HSD17B4: variants seen among roughly 807,000 people sequenced by gnomAD.
The protein encoded by HSD17B4 is hydroxysteroid 17-beta dehydrogenase 4, also known as peroxisomal multifunctional enzyme type 2.
HSD17B4 carries 70 observed loss-of-function variants against 101.0 expected under a neutral mutation model. The observed-to-expected ratio is 0.69, with a 90% CI of 0.57 to 0.85. HSD17B4 has a LOEUF of 0.85. Among genes scored for constraint, HSD17B4 ranks in the 40% least tolerant of loss-of-function variants. HSD17B4 has a pLI of 0.00. For missense variants in HSD17B4, 984 were observed against 892.4 expected (o/e 1.10, Z -1.31); for synonymous variants, 347 against 297.1 (o/e 1.17, Z -1.73).
At chr5:119,515,191 T>C in intron 17 of HSD17B4, 145 bp downstream of exon 17, 1 of 593,846 alleles carries the variant, frequency 1.7e-6, no homozygotes, top group Non-Finnish European at 3.1e-6. Context: ...CAGACATGTT[T>C]CCTGTGATTG....
intron 22 of HSD17B4, among the ~76,000 whole-genome samples, chr5:119,533,930 A>C (rs1580717894): frequency 6.6e-6 from 1 of 152,242 alleles, no homozygotes; most frequent in East Asian, 1.9e-4. Flanking sequence ...ACAGGTTTTA[A>C]ATATGCAATT....
intron 1 of HSD17B4, among the ~76,000 whole-genome samples, chr5:119,453,223 G>A (rs1754260551): frequency 6.6e-6 from 1 of 152,184 alleles, no homozygotes; most frequent in Admixed American, 6.5e-5. Flanking sequence ...AAATCCACTG[G>A]AGTCTTGGCA....
At chr5:119,538,507 G>T (rs549704662) in intron 23 of HSD17B4, among the ~76,000 whole-genome samples, 1 of 152,136 alleles carries the variant, frequency 6.6e-6, no homozygotes, top group African/African-American at 2.4e-5. Flanking sequence ...TTAATTACTG[G>T]TTCATATTTA....
Position 119,461,313 on chromosome 5 carries a change from A to G in HSD17B4, c.112+4945A>G, listed in dbSNP as rs562565852. 3.3e-5 allele frequency among the ~76,000 whole-genome samples: 5 copies of G among 152,304 alleles called. No individual in the cohort carries two copies. The South Asian group carries it at 1.0e-3, about 32-fold the overall frequency. ...GAACTAAATAGGCAAAACAATAATA[A>G]ATATAAATATAAGCCATGAAAATAA... On this transcript the variant is annotated intron_variant, in intron 2 of 23. Transcript: ENST00000510025.
chr5:119,511,037 G>A (rs891348030), intron 16 of HSD17B4, among the ~76,000 whole-genome samples: 1 of 152,156 alleles, frequency 6.6e-6, no homozygotes, highest in Non-Finnish European at 1.5e-5. Flanking sequence ...CCGTAGCGTG[G>A]AGGTTCCGTG....
At chr5:119,521,341 C>G (rs1359648354) in intron 17 of HSD17B4, among the ~76,000 whole-genome samples, 1 of 152,130 alleles carries the variant, frequency 6.6e-6, no homozygotes, top group Non-Finnish European at 1.5e-5. Context: ...AATGGTTTTG[C>G]TGGGATATGT....
At chr5:119,467,144 TA>T (rs1428027910) in intron 2 of HSD17B4, among the ~76,000 whole-genome samples, 1 of 152,234 alleles carries the variant, frequency 6.6e-6, no homozygotes, top group Non-Finnish European at 1.5e-5. Flanking sequence ...ACCAAAATCA[TA>T]TCAAATAAAA....
chr5:119,521,952 T>G (rs900098709), intron 17 of HSD17B4, among the ~76,000 whole-genome samples: 1 of 151,812 alleles, frequency 6.6e-6, no homozygotes, highest in African/African-American at 2.4e-5. Flanking sequence ...GTATTTTTAT[T>G]ATACTTTAAG....
intron 17 of HSD17B4, among the ~76,000 whole-genome samples, chr5:119,524,624 G>C (rs1423252590): frequency 6.6e-6 from 1 of 152,036 alleles, no homozygotes; most frequent in Non-Finnish European, 1.5e-5. Flanking sequence ...TCCAGGCCAC[G>C]CTGCTAATCC....
chr5:119,473,314 C>CT (rs767536359), intron 2 of HSD17B4, among the ~76,000 whole-genome samples: 1,328 of 58,374 alleles, frequency 0.023, 54 homozygotes, highest in African/African-American at 0.054. Context: ...TTCCCTGCTC[C>CT]TTTTTTTTTT....
intron 1 of HSD17B4, among the ~76,000 whole-genome samples, chr5:119,454,782 C>T (rs1447161505): frequency 1.3e-5 from 2 of 151,964 alleles, no homozygotes; most frequent in Non-Finnish European, 2.9e-5. Flanking sequence ...CCACCAAGCC[C>T]AGCTGATTTT....
intron 4 of HSD17B4, 93 bp downstream of exon 4, chr5:119,474,553 C>A: frequency 1.2e-6 from 1 of 803,018 alleles, no homozygotes; most frequent in Non-Finnish European, 2.3e-6. Context: ...AAACAGATAC[C>A]TCTTTCCTCA....
intron 19 of HSD17B4, among the ~76,000 whole-genome samples, 182 bp downstream of exon 19, chr5:119,526,205 C>T (rs973212848): frequency 3.3e-5 from 5 of 151,838 alleles, no homozygotes; most frequent in East Asian, 1.9e-4. Context: ...CTCTGTTGCA[C>T]ATGCACCAGG....
rs753506971 is a variant in HSD17B4, at chr5:119,493,998, G to A, written c.868+52G>A. The A allele has an allele frequency of 3.8e-6, 6 of 1,592,004 alleles. No individual in the cohort carries two copies. The African/African-American group carries it at 6.7e-5, about 18-fold the overall frequency. The stretch of plus-strand genomic sequence containing the variant: ...CTGGTTGGGGAATCAGAGGCAGCAA[G>A]CATTTTCTTCTCTTATGTAGTTGTC... On this transcript the variant is annotated intron_variant, in intron 11 of 23. Coordinates refer to ENST00000510025, the MANE Select transcript of HSD17B4 (RefSeq NM_000414.4).
Position 119,502,373 on chromosome 5 carries a change from G to A in HSD17B4, c.1261+281G>A, listed in dbSNP as rs2636968. Among the ~76,000 whole-genome samples the A allele has an allele frequency of 0.62, 94,571 of 151,922 alleles. 29,982 individuals carry two copies. Among genetic ancestry groups the A allele is most frequent in the East Asian group, 0.92 (4,796 of 5,186 alleles). On this transcript the variant is annotated intron_variant, in intron 14 of 23. Coordinates refer to ENST00000510025, the MANE Select transcript of HSD17B4 (RefSeq NM_000414.4). Reference sequence around the variant, plus strand: ...AAGGAACGTTCGTGTATGTGCTCTAGACTTAGTGATTGCATATAATCTGTT... The same window carrying A: ...AAGGAACGTTCGTGTATGTGCTCTAAACTTAGTGATTGCATATAATCTGTT...
chr5:119,534,075 C>T (rs1754344020), intron 22 of HSD17B4, among the ~76,000 whole-genome samples: 1 of 151,986 alleles, frequency 6.6e-6, no homozygotes, highest in Admixed American at 6.6e-5. Flanking sequence ...TACAATGTTG[C>T]TGAGCAAAAT....
intron 2 of HSD17B4, among the ~76,000 whole-genome samples, chr5:119,462,973 G>A (rs1755415387): frequency 6.6e-6 from 1 of 152,048 alleles, no homozygotes; most frequent in South Asian, 2.1e-4. Context: ...TTGTAATTTT[G>A]TATTGGTTAA....
chr5:119,517,036 C>T (rs927068201), intron 17 of HSD17B4, among the ~76,000 whole-genome samples: 1 of 152,260 alleles, frequency 6.6e-6, no homozygotes, highest in African/African-American at 2.4e-5. Context: ...CACCGCTGCA[C>T]TGTGGGAGCC....
intron 1 of HSD17B4, 106 bp from the exon 2 acceptor site, chr5:119,456,209 T>G (rs1754630788): frequency 2.6e-6 from 2 of 766,948 alleles, no homozygotes; most frequent in Non-Finnish European, 4.8e-6. Context: ...ATCATTAAAA[T>G]GTAATTAATT....
Sources: gnomAD v4.1 joint callset for allele counts (sites outside exome capture counted in the v4.1 genomes callset) on GRCh38, gnomAD v4.1.1 for gene constraint, MANE v1.5 for transcripts, NCBI Gene and HGNC (gene_info 2026-07-23, HGNC 2026-07-21) for gene names.